The following PLXNA2 variants were observed in gnomAD, a reference collection of about 807,000 sequenced individuals.
PLXNA2 encodes plexin A2, also known as plexin-A2.
A neutral mutation model predicts 193.5 loss-of-function variants in PLXNA2; 91 were observed. That is an observed-to-expected ratio of 0.47 (90% CI 0.40 to 0.56). PLXNA2 has a LOEUF of 0.56. Ranked by LOEUF, PLXNA2 falls within the 20% of genes least tolerant of loss-of-function variation. The probability of loss-of-function intolerance (pLI) is 0.00; values close to 1 mark genes in which losing one functional copy is unlikely to be tolerated. For missense variants in PLXNA2, 1,995 were observed against 2,503.2 expected (o/e 0.80, Z 4.33); for synonymous variants, 997 against 1,027.3 (o/e 0.97, Z 0.56).
intron 3 of PLXNA2, among the ~76,000 whole-genome samples, chr1:208,178,167 C>T (rs2102542228): frequency 6.6e-6 from 1 of 152,260 alleles, no homozygotes; most frequent in East Asian, 1.9e-4. Context: ...GGTCACGCTC[C>T]CATGGCACTG....
intron 1 of PLXNA2, 139 bp from the exon 2 acceptor site, chr1:208,218,141 A>G (rs991809804): frequency 4.0e-5 from 27 of 680,402 alleles, no homozygotes; most frequent in African/African-American, 3.8e-4. Flanking sequence ...TATTTTTAAC[A>G]TACTTTCTCC....
chr1:208,213,476 G>T (rs1420385482), intron 2 of PLXNA2, among the ~76,000 whole-genome samples: 1 of 152,184 alleles, frequency 6.6e-6, no homozygotes, highest in Admixed American at 6.5e-5. Flanking sequence ...AAATGGGGAA[G>T]ATAACTCTTG....
chr1:208,239,488 T>C (rs943237771), intron 1 of PLXNA2, among the ~76,000 whole-genome samples: 1 of 152,274 alleles, frequency 6.6e-6, no homozygotes, highest in African/African-American at 2.4e-5. Flanking sequence ...TGCATCTTGA[T>C]CTACATCTTC....
chr1:208,131,891 G>C (rs537331790), intron 4 of PLXNA2, among the ~76,000 whole-genome samples: 1 of 152,204 alleles, frequency 6.6e-6, no homozygotes, highest in South Asian at 2.1e-4. Context: ...ACACAGACAG[G>C]CTCCTCACTC....
rs1370338270 is a variant in PLXNA2, at chr1:208,217,587, A to G, written c.336T>C (p.Asn112=). 1 of 1,613,984 alleles carries G rather than the reference A, an allele frequency of 6.2e-7. No individual in the cohort carries two copies. Among genetic ancestry groups the G allele is most frequent in the East Asian group, 2.2e-5 (1 of 44,880 alleles). ...AGTCAATGATGAGCAGCTTGTTGAC[A>G]TTGTTGGTGAGGGTGAGCACTTCGC... ...PCSEVLTLTN[N]VNKLLIIDYS... is the part of the protein sequence containing the mutation. The change falls in exon 2 of 32, where the codon AAT becomes AAC. Residue 112 remains asparagine (N), a synonymous_variant. Coordinates refer to ENST00000367033, the MANE Select transcript of PLXNA2 (RefSeq NM_025179.4). This position sits in a 1 kb window ranked among gnomAD's most constrained non-coding sequence, Gnocchi z 4.7.
intron 4 of PLXNA2, among the ~76,000 whole-genome samples, chr1:208,127,292 C>A (rs969266575): frequency 2.0e-5 from 3 of 152,228 alleles, no homozygotes; most frequent in Admixed American, 2.0e-4. Context: ...CATACATACA[C>A]ATACTCCTTT....
chr1:208,154,744 G>A (rs1668885052), intron 3 of PLXNA2, among the ~76,000 whole-genome samples: 1 of 152,200 alleles, frequency 6.6e-6, no homozygotes, highest in Admixed American at 6.5e-5. Context: ...AATAGACATT[G>A]ATTGTCCAGC....
rs3736963 is a variant in PLXNA2 at position 208,034,494 on chromosome 1, G to A, written c.4863C>T (p.Tyr1621=). The A allele has an allele frequency of 0.55, 887,619 of 1,602,934 alleles. 251,313 individuals carry two copies. The highest frequency in any genetic ancestry group is 0.58 in the Non-Finnish European group (684,326 of 1,170,016). Residue 1621 remains tyrosine, a splice_region_variant and synonymous_variant, in exon 27 of 32, where the codon TAC becomes TAT. Transcript: ENST00000367033. ...ASISRTSISR[Y]DSSFRYTGSP... ...CCAGTCTGCCCTCGTGGTTCTCACC[G>A]TATCTGCTGATGGACGTCCGGGAGA...
chr1:208,088,413 A>G (rs974289329), intron 9 of PLXNA2, among the ~76,000 whole-genome samples: 5 of 152,242 alleles, frequency 3.3e-5, no homozygotes, highest in African/African-American at 1.2e-4. Context: ...CATCCTGGGA[A>G]GCTAATCGGA....
rs1350361314 is a variant in PLXNA2 at position 208,096,854 on chromosome 1, A to T, written c.1761T>A (p.Asp587Glu). 6.2e-7 allele frequency: 1 copy of T among 1,614,000 alleles called. No homozygotes were observed. The highest frequency in any genetic ancestry group is 8.5e-7 in the Non-Finnish European group (1 of 1,179,994). ...AGGCACAGGCGATACCCGCAGATAGATCAGGAGCATCACTCACTACCAGGC... is the reference window on the plus strand; with the variant it reads ...AGGCACAGGCGATACCCGCAGATAGTTCAGGAGCATCACTCACTACCAGGC... ...LLSLVVSDAP[D>E]LSAGIACAFG... Residue 587 changes from aspartate (D) to glutamate (E), a missense_variant, in exon 7 of 32, where the codon GAT becomes GAA. Coordinates refer to ENST00000367033, the MANE Select transcript of PLXNA2 (RefSeq NM_025179.4).
intron 1 of PLXNA2, among the ~76,000 whole-genome samples, chr1:208,227,146 C>T (rs1239064958): frequency 6.6e-6 from 1 of 152,162 alleles, no homozygotes; most frequent in Non-Finnish European, 1.5e-5. Context: ...TATGGCTTTG[C>T]CAAGCCAAGT....
intron 3 of PLXNA2, among the ~76,000 whole-genome samples, chr1:208,155,245 G>C (rs901557577): frequency 6.6e-6 from 1 of 152,180 alleles, no homozygotes. Flanking sequence ...GGGACACAGA[G>C]GGCCGCAGTC....
At chr1:208,159,169 TG>T (rs1290574405) in intron 3 of PLXNA2, among the ~76,000 whole-genome samples, 1 of 152,186 alleles carries the variant, frequency 6.6e-6, no homozygotes, top group African/African-American at 2.4e-5. Flanking sequence ...CTAGAGGCTC[TG>T]GGGAGGGCTC....
chr1:208,105,677 A>T (rs1667248873), intron 4 of PLXNA2, among the ~76,000 whole-genome samples: 1 of 152,198 alleles, frequency 6.6e-6, no homozygotes, highest in Admixed American at 6.5e-5. Context: ...CTTCTAGTGT[A>T]CGTCTCCCAG....
intron 3 of PLXNA2, among the ~76,000 whole-genome samples, chr1:208,174,307 G>A (rs1244854498): frequency 2.0e-5 from 3 of 152,008 alleles, no homozygotes; most frequent in Admixed American, 6.6e-5. Flanking sequence ...GGAGAGAGAA[G>A]GGCTAACTCT....
chr1:208,027,218 T>A lies in PLXNA2; in HGVS notation c.*25A>T. On this transcript the variant is annotated 3_prime_UTR_variant, in exon 32 of 32. Transcript: ENST00000367033. ...TGTGACAGCTTGGACAGGTCCCTCTTCCCAGGAATGCGAGGCTCCTCCTCT... is the reference window on the plus strand; with the variant it reads ...TGTGACAGCTTGGACAGGTCCCTCTACCCAGGAATGCGAGGCTCCTCCTCT... The A allele has an allele frequency of 6.3e-7, 1 of 1,592,476 alleles. No individual in the cohort carries two copies. Among genetic ancestry groups the A allele is most frequent in the Admixed American group, 1.7e-5 (1 of 59,982 alleles).
At position 208,025,897 on chromosome 1, in the gene PLXNA2, G is replaced by A. The variant is rs1571834360; in HGVS notation, c.*1346C>T. ...AGAAAGAGAGGCAGAAGGTAGTAAC[G>A]TGGGCATGCCACAGTCATTTCTACT... On this transcript the variant is annotated 3_prime_UTR_variant, in exon 32 of 32. Coordinates refer to ENST00000367033, the MANE Select transcript of PLXNA2 (RefSeq NM_025179.4). 2.0e-5 allele frequency: 3 copies of A among 152,738 alleles called. No homozygotes were observed. The highest frequency in any genetic ancestry group is 3.9e-4 in the East Asian group (2 of 5,184). The allele number at this position is 152,738 out of a possible 1,614,324, so 9.5% of individuals were successfully genotyped here.
chr1:208,225,822 C>A lies in PLXNA2; in HGVS notation c.-80-7820G>T, dbSNP rs565865578. 5.3e-5 allele frequency among the ~76,000 whole-genome samples: 8 copies of A among 152,346 alleles called. No homozygotes were observed. In the South Asian group the frequency reaches 1.7e-3, roughly 32 times the overall value. ...AGAGGTCTGGAACAGCTCCTTCCCT[C>A]ACAGCCATCAGAAGGAATCAACTCT... On this transcript the variant is annotated intron_variant, in intron 1 of 31. Transcript: ENST00000367033.
At chr1:208,062,993 T>C (rs1472978270) in intron 12 of PLXNA2, among the ~76,000 whole-genome samples, 2 of 152,084 alleles carry the variant, frequency 1.3e-5, no homozygotes, top group African/African-American at 4.8e-5. Context: ...CAGGAGACAA[T>C]TTGCTTTTAG....
Sources: gnomAD v4.1 joint callset for allele counts (sites outside exome capture counted in the v4.1 genomes callset) on GRCh38, gnomAD v4.1.1 for gene constraint, Gnocchi (gnomAD v3.1) non-coding constraint, MANE v1.5 for transcripts, NCBI Gene and HGNC (gene_info 2026-07-23, HGNC 2026-07-21) for gene names.